Variants in PIK3C2G observed in about 807,000 individuals in gnomAD.
The protein encoded by PIK3C2G is phosphatidylinositol 3-kinase C2 domain-containing subunit gamma.
PIK3C2G carries 168 observed loss-of-function variants against 181.1 expected under a neutral mutation model. The ratio of observed to expected loss-of-function variants is 0.93; its 90% confidence interval spans 0.82 to 1.05. The LOEUF (loss-of-function observed/expected upper bound fraction) is 1.05. Ranked by LOEUF, PIK3C2G falls within the 50% of genes least tolerant of loss-of-function variation. PIK3C2G has a pLI of 0.00. For missense variants in PIK3C2G, 1,869 were observed against 1,732.8 expected (o/e 1.08, Z -1.40); for synonymous variants, 573 against 592.2 (o/e 0.97, Z 0.47).
chr12:18,370,166 G>A (rs895479721), intron 12 of PIK3C2G, among the ~76,000 whole-genome samples: 1 of 152,122 alleles, frequency 6.6e-6, no homozygotes, highest in South Asian at 2.1e-4. Context: ...GCCCCTATTA[G>A]GGATGCCAGA....
intron 18 of PIK3C2G, among the ~76,000 whole-genome samples, chr12:18,434,851 C>CA (rs924240282): frequency 1.3e-5 from 2 of 151,788 alleles, no homozygotes; most frequent in African/African-American, 4.8e-5. Context: ...TCTTAACAGA[C>CA]AAAAAAAGAT....
intron 1 of PIK3C2G, among the ~76,000 whole-genome samples, chr12:18,250,881 A>C (rs1402553853): frequency 6.6e-6 from 1 of 152,024 alleles, no homozygotes; most frequent in Admixed American, 6.6e-5. Flanking sequence ...TATTATACTC[A>C]AAATATACGT....
rs199935328 is a variant in PIK3C2G, at chr12:18,621,538, T to TTA, written c.4182+11919_4182+11920dup. Among the ~76,000 whole-genome samples, 1,224 of 149,602 alleles carry TTA rather than the reference T, an allele frequency of 8.2e-3. 17 individuals are homozygous for TTA. The highest frequency in any genetic ancestry group is 0.028 in the African/African-American group (1,155 of 40,686). On this transcript the variant is annotated intron_variant, in intron 31 of 32. Transcript: ENST00000538779. ...AAAGATTAAATATGTATAACATGTT[T>TTA]TATATATATATGTTATTAACATACA...
chr12:18,292,091 T>A (rs1949713522), intron 4 of PIK3C2G, among the ~76,000 whole-genome samples: 1 of 149,328 alleles, frequency 6.7e-6, no homozygotes, highest in Admixed American at 6.7e-5. Context: ...ATGCCTGTAA[T>A]CCCAGCTACT....
At position 18,587,435 on chromosome 12, in the gene PIK3C2G, A is replaced by C. The variant is rs200727420; in HGVS notation, c.4012-7059A>C. Among the ~76,000 whole-genome samples, 6 of 152,230 alleles carry C rather than the reference A, an allele frequency of 3.9e-5. No homozygotes were observed. In the East Asian group the frequency reaches 1.2e-3, roughly 29 times the overall value. ...CAAAGTCAAGCCAACAGCCAAATCA[A>C]GAATGAAATCCCTTTCATAATTGCC... On this transcript the variant is annotated intron_variant, in intron 29 of 32. Coordinates refer to ENST00000538779, the MANE Select transcript of PIK3C2G (RefSeq NM_001288772.2).
chr12:18,581,033 TAG>T (rs1281659313), intron 29 of PIK3C2G, among the ~76,000 whole-genome samples: 1 of 152,212 alleles, frequency 6.6e-6, no homozygotes, highest in Non-Finnish European at 1.5e-5. Flanking sequence ...TTTAACTCTG[TAG>T]TCTTTGATAA....
the PIK3C2G span, among the ~76,000 whole-genome samples, chr12:18,658,154 C>T: frequency 1.3e-5 from 2 of 151,824 alleles, no homozygotes; most frequent in Admixed American, 1.3e-4. Flanking sequence ...ATCTGAGGAA[C>T]AAAAGGAATA....
At chr12:18,262,166 T>C (rs893717463) in intron 1 of PIK3C2G, among the ~76,000 whole-genome samples, 16 of 152,124 alleles carry the variant, frequency 1.1e-4, no homozygotes, top group African/African-American at 3.6e-4. Context: ...CCTACCTCTT[T>C]ATTCGTAGCT....
At chr12:18,500,251 G>A (rs2136100729) in intron 22 of PIK3C2G, among the ~76,000 whole-genome samples, 1 of 152,126 alleles carries the variant, frequency 6.6e-6, no homozygotes, top group Middle Eastern at 3.4e-3. Flanking sequence ...CGGCCGGCCG[G>A]CCCTGCCGGC....
At chr12:18,637,697 C>G (rs1444679853) in intron 31 of PIK3C2G, among the ~76,000 whole-genome samples, 1 of 152,216 alleles carries the variant, frequency 6.6e-6, no homozygotes, top group African/African-American at 2.4e-5. Context: ...GAAGAGTGAT[C>G]ACAGAGCTTT....
At chr12:18,302,351 C>T (rs1025019668) in intron 5 of PIK3C2G, among the ~76,000 whole-genome samples, 1 of 152,172 alleles carries the variant, frequency 6.6e-6, no homozygotes, top group South Asian at 2.1e-4. Flanking sequence ...GTGGCAGTGA[C>T]AAGGTGGGCA....
intron 17 of PIK3C2G, among the ~76,000 whole-genome samples, chr12:18,421,649 G>T (rs1945494609): frequency 6.6e-6 from 1 of 151,970 alleles, no homozygotes; most frequent in South Asian, 2.1e-4. Flanking sequence ...GTATCTAATA[G>T]ATATAGAATA....
At chr12:18,430,614 TA>T (rs1565714385) in intron 18 of PIK3C2G, among the ~76,000 whole-genome samples, 1 of 152,100 alleles carries the variant, frequency 6.6e-6, no homozygotes, top group African/African-American at 2.4e-5. Context: ...CTTATGTCGA[TA>T]GGGGGTGGAG....
Position 18,371,246 on chromosome 12 carries a change from G to C in PIK3C2G, c.1815G>C (p.Gly605=). Residue 605 remains glycine, a synonymous_variant, in exon 13 of 33, where the codon GGG becomes GGC. Coordinates refer to ENST00000538779, the MANE Select transcript of PIK3C2G (RefSeq NM_001288772.2). ...CCATGCTCACTGTAAAACTGTTTGGGATTGCCTGTGCAACCAACAATGCAA... is the reference window on the plus strand; with the variant it reads ...CCATGCTCACTGTAAAACTGTTTGGCATTGCCTGTGCAACCAACAATGCAA... ...RESMLTVKLF[G]IACATNNANL... The C allele has an allele frequency of 1.2e-6, 2 of 1,612,390 alleles. No individual in the cohort carries two copies. Among genetic ancestry groups the C allele is most frequent in the South Asian group, 1.1e-5 (1 of 90,762 alleles).
At chr12:18,680,321 C>A in the PIK3C2G span, among the ~76,000 whole-genome samples, 1 of 152,022 alleles carries the variant, frequency 6.6e-6, no homozygotes, top group Non-Finnish European at 1.5e-5. Flanking sequence ...TTGACTAGAA[C>A]TCCTAGAGGC....
At chr12:18,390,156 A>G (rs1169616076) in intron 14 of PIK3C2G, among the ~76,000 whole-genome samples, 1 of 152,194 alleles carries the variant, frequency 6.6e-6, no homozygotes, top group Admixed American at 6.5e-5. Flanking sequence ...CAAAACTTAT[A>G]ACAAACGTTA....
intron 18 of PIK3C2G, among the ~76,000 whole-genome samples, chr12:18,473,698 G>A (rs945056060): frequency 4.6e-5 from 7 of 152,026 alleles, no homozygotes; most frequent in African/African-American, 1.4e-4. Flanking sequence ...TTCTTACAGC[G>A]GTGACTTGAC....
intron 30 of PIK3C2G, among the ~76,000 whole-genome samples, chr12:18,604,744 C>T (rs1306471826): frequency 6.6e-6 from 1 of 152,118 alleles, no homozygotes; most frequent in Non-Finnish European, 1.5e-5. Context: ...CAAAAGGAAC[C>T]TTCAAAACCA....
chr12:18,455,491 T>C (rs1222275284), intron 18 of PIK3C2G, among the ~76,000 whole-genome samples: 1 of 152,176 alleles, frequency 6.6e-6, no homozygotes, highest in African/African-American at 2.4e-5. Context: ...TTAATTGCTA[T>C]AAATTTTAAG....
Sources: allele counts gnomAD v4.1 joint callset (sites outside exome capture counted in the v4.1 genomes callset), GRCh38; gene constraint gnomAD v4.1.1; transcripts MANE v1.5; gene names NCBI Gene and HGNC (gene_info 2026-07-23, HGNC 2026-07-21).